Variants in CC2D2B observed in about 807,000 individuals in gnomAD.
CC2D2B encodes the protein coiled-coil and C2 domain containing 2B, also known as protein CC2D2B.
A neutral mutation model predicts 161.2 loss-of-function variants in CC2D2B; 128 were observed. The ratio of observed to expected loss-of-function variants is 0.79; its 90% CI spans 0.69 to 0.92. The LOEUF is 0.92. CC2D2B is among the 40% of genes least tolerant of loss of function. The pLI is 0.00. For missense variants in CC2D2B, 1,173 were observed against 1,375.1 expected (o/e 0.85, Z 2.32); for synonymous variants, 391 against 449.8 (o/e 0.87, Z 1.65).
At chr10:95,968,662 G>T in intron 14 of CC2D2B, 62 bp from the exon 15 acceptor site, 1 of 637,962 alleles carries the variant, frequency 1.6e-6, no homozygotes, top group South Asian at 8.3e-5. Flanking sequence ...CATTTTGAAA[G>T]AACAATATGT....
At chr10:95,939,177 C>T (rs1021276038) in intron 9 of CC2D2B, among the ~76,000 whole-genome samples, 15 of 151,914 alleles carry the variant, frequency 9.9e-5, no homozygotes, top group Non-Finnish European at 2.2e-4. Context: ...GCTAATTTTA[C>T]AAAAATAATG....
intron 6 of CC2D2B, among the ~76,000 whole-genome samples, chr10:95,934,355 C>T (rs190955334): frequency 1.3e-5 from 2 of 152,198 alleles, no homozygotes; most frequent in African/African-American, 4.8e-5. Flanking sequence ...CCACATGGCT[C>T]CCTGGCTTCA....
intron 3 of CC2D2B, among the ~76,000 whole-genome samples, chr10:95,923,338 G>A (rs976738736): frequency 1.3e-5 from 2 of 151,970 alleles, no homozygotes; most frequent in South Asian, 2.1e-4. Context: ...CTCCTGCCTC[G>A]GCCTCCCAAA....
chr10:96,030,575 T>TTTTGC (rs1284135931), intron 34 of CC2D2B, among the ~76,000 whole-genome samples: 1 of 152,092 alleles, frequency 6.6e-6, no homozygotes, highest in Non-Finnish European at 1.5e-5. Flanking sequence ...AGGAAGTTGT[T>TTTTGC]TTTGCTTTGC....
intron 9 of CC2D2B, 48 bp downstream of exon 9, chr10:95,938,973 A>G (rs1425755305): frequency 1.5e-6 from 1 of 651,084 alleles, no homozygotes; most frequent in Non-Finnish European, 2.8e-6. Flanking sequence ...TTCTTGTAAT[A>G]TCAATTATCG....
rs372775530 is a variant in CC2D2B at position 95,912,042 on chromosome 10, T to A, written c.36+683T>A. On this transcript the variant is annotated intron_variant, in intron 2 of 34. Coordinates refer to ENST00000646931, the MANE Select transcript of CC2D2B (RefSeq NM_001349008.3). ...TAGATTTTGAAGTTTTTTCGGAAAGTTTATAGACTGGGCTCTTTTTATGAT... is the reference window on the plus strand; with the variant it reads ...TAGATTTTGAAGTTTTTTCGGAAAGATTATAGACTGGGCTCTTTTTATGAT... Among the ~76,000 whole-genome samples, 16 of 152,250 alleles carry A rather than the reference T, an allele frequency of 1.1e-4. No homozygotes were observed. In the East Asian group the frequency reaches 3.1e-3, roughly 29 times the overall value.
chr10:95,908,506 AAC>A (rs2098500109), intron 1 of CC2D2B, among the ~76,000 whole-genome samples: 1 of 152,224 alleles, frequency 6.6e-6, no homozygotes, highest in Non-Finnish European at 1.5e-5. Context: ...CAGCCTTAGA[AAC>A]ACGGAATGCT....
intron 25 of CC2D2B, among the ~76,000 whole-genome samples, chr10:96,008,859 G>A (rs2078868895): frequency 6.6e-6 from 1 of 151,962 alleles, no homozygotes; most frequent in Admixed American, 6.6e-5. Context: ...TCTTAGCAGT[G>A]TGTTTTGAAG....
In CC2D2B at chr10:95,961,914, T is replaced by G. The variant is rs2076774539; in HGVS notation, c.1195T>G (p.Ser399Ala). ...ATTACGAACTTGGAAACAGATTAAA[T>G]CTCTTCGACATGGGCAAGGGTTTAC... Reference protein sequence around the residue: ...SILRTWKQIKSLRHGQGFTST... With the variant: ...SILRTWKQIKALRHGQGFTST... The change falls in exon 12 of 35, where the codon TCT (serine) becomes GCT (alanine). Residue 399 changes from serine (S) to alanine (A), a missense_variant. Physicochemically the swap from Ser to Ala is moderately conservative, Grantham distance 99. This residue lies in a region of CC2D2B where 298 missense variants were observed against 261.2 expected (regional missense o/e 1.14). Transcript: ENST00000646931. 6 of 1,231,550 alleles carry G rather than the reference T, an allele frequency of 4.9e-6. No individual in the cohort carries two copies. The East Asian group carries it at 1.6e-4, about 32-fold the overall frequency. The allele number at this position is 1,231,550 out of a possible 1,614,324, so 76.3% of individuals were successfully genotyped here. A position where few individuals can be genotyped will look rare whatever the true frequency, so the allele number is the denominator to read the frequency against.
rs1459698270 is a variant in CC2D2B, at chr10:95,938,878, G to T, written c.754G>T (p.Val252Leu). 4.2e-6 allele frequency: 3 copies of T among 714,718 alleles called. No individual in the cohort carries two copies. The highest frequency in any genetic ancestry group is 7.8e-6 in the Non-Finnish European group (3 of 384,094). 44.3% of individuals were successfully genotyped at this position (714,718 alleles called of 1,614,324 possible). A position where few individuals can be genotyped will look rare whatever the true frequency, so the allele number is the denominator to read the frequency against. The change falls in exon 9 of 35, where the codon GTA (valine) becomes TTA (leucine). Residue 252 changes from valine (V) to leucine (L), a missense_variant. By Grantham distance (32) the Val-to-Leu change is conservative (BLOSUM62 1). This residue lies in a region of CC2D2B where 298 missense variants were observed against 261.2 expected (regional missense o/e 1.14). Coordinates refer to ENST00000646931, the MANE Select transcript of CC2D2B (RefSeq NM_001349008.3). Reference protein sequence around the residue: ...IKQSWNFRLNVRKEPLNPLLK... With the variant: ...IKQSWNFRLNLRKEPLNPLLK... ...ACAGTCATGGAATTTCAGACTAAATGTAAGGAAGGAACCTTTAAATCCATT... is the reference window on the plus strand; with the variant it reads ...ACAGTCATGGAATTTCAGACTAAATTTAAGGAAGGAACCTTTAAATCCATT...
intron 22 of CC2D2B, among the ~76,000 whole-genome samples, chr10:95,993,342 T>C (rs575234697): frequency 6.6e-6 from 1 of 152,256 alleles, no homozygotes; most frequent in South Asian, 2.1e-4. Flanking sequence ...GTCTCATATA[T>C]GTAGTGTCAG....
intron 32 of CC2D2B, chr10:96,021,178 A>G (rs895273738): frequency 1.3e-5 from 2 of 152,258 alleles, no homozygotes; most frequent in Admixed American, 6.5e-5. Context: ...GCTTTGGAAA[A>G]CAATATGTTG....
chr10:95,981,122 A>G (rs186498572), intron 17 of CC2D2B, among the ~76,000 whole-genome samples: 373 of 152,302 alleles, frequency 2.4e-3, no homozygotes, highest in African/African-American at 7.8e-3. Context: ...GGCAGGGCAC[A>G]GTGGCTCATG....
chr10:96,014,105 G>A (rs1018447185), intron 29 of CC2D2B, among the ~76,000 whole-genome samples: 6 of 151,874 alleles, frequency 4.0e-5, no homozygotes, highest in East Asian at 1.9e-4. Flanking sequence ...TTGACTCAAC[G>A]GGAATTCCAG....
rs201180386 is a variant in CC2D2B, at chr10:95,937,255, CTG to C, written c.337-735_337-734del. ...TACCCTAAATGTGTGTTTTTGAAAA[CTG>C]AGGGATTTTTGTCTGACTCACACAC... On this transcript the variant is annotated intron_variant, in intron 6 of 34. Coordinates refer to ENST00000646931, the MANE Select transcript of CC2D2B (RefSeq NM_001349008.3). 8.8e-3 allele frequency among the ~76,000 whole-genome samples: 1,332 copies of C among 152,114 alleles called. 13 individuals are homozygous for C. Among genetic ancestry groups the C allele is most frequent in the Middle Eastern group, 0.017 (5 of 294 alleles).
intron 6 of CC2D2B, among the ~76,000 whole-genome samples, chr10:95,936,810 C>T (rs1172244267): frequency 2.0e-5 from 3 of 152,120 alleles, no homozygotes; most frequent in Non-Finnish European, 4.4e-5. Flanking sequence ...GAGAGCCCAG[C>T]GTAGTCTACC....
chr10:95,915,661 A>G (rs1431346370), intron 2 of CC2D2B, among the ~76,000 whole-genome samples: 1 of 152,162 alleles, frequency 6.6e-6, no homozygotes, highest in Non-Finnish European at 1.5e-5. Flanking sequence ...TGAAATAATC[A>G]TATGGTTTTT....
At chr10:96,016,074 A>G (rs2079186074) in intron 29 of CC2D2B, 127 bp from the exon 30 acceptor site, 1 of 656,782 alleles carries the variant, frequency 1.5e-6, no homozygotes, top group South Asian at 1.7e-5. Flanking sequence ...CAACTTAGCA[A>G]CTTGGTAAAA....
At chr10:96,029,988 A>G (rs1256193609) in intron 34 of CC2D2B, among the ~76,000 whole-genome samples, 1 of 151,756 alleles carries the variant, frequency 6.6e-6, no homozygotes, top group East Asian at 1.9e-4. Context: ...TTTTTAAAAT[A>G]TTTTTGTAAA....
Sources: allele counts gnomAD v4.1 joint callset (sites outside exome capture counted in the v4.1 genomes callset), GRCh38; gene constraint gnomAD v4.1.1; regional missense constraint gnomAD v4.1.1; transcripts MANE v1.5; gene names NCBI Gene and HGNC (gene_info 2026-07-23, HGNC 2026-07-21).